The following DUSP13B variants were observed in gnomAD, a reference collection of about 807,000 sequenced individuals.
DUSP13B encodes the protein dual specificity phosphatase 13B.
the DUSP13B span, chr10:75,094,995 T>G: frequency 4.3e-6 from 4 of 930,504 alleles, no homozygotes; most frequent in East Asian, 1.1e-4. Flanking sequence ...CACTGTCTAC[T>G]CTGTCAAATG....
At chr10:75,108,971 G>A in the DUSP13B span, 14 of 1,559,150 alleles carry the variant, frequency 9.0e-6, no homozygotes, top group Admixed American at 3.7e-5. Context: ...GCCTCTCCAC[G>A]TCCCCACCCC....
chr10:75,097,904 C>A, the DUSP13B span: 38 of 1,547,978 alleles, frequency 2.5e-5, no homozygotes, highest in Admixed American at 3.7e-4. Flanking sequence ...GAGTGGACAC[C>A]GCAGTGGCTG....
chr10:75,101,837 AC>A, the DUSP13B span: 633 of 1,330,984 alleles, frequency 4.8e-4, 3 homozygotes, highest in African/African-American at 5.4e-3. Flanking sequence ...ACCACATCCT[AC>A]CCCCCCCAAA....
chr10:75,098,985 TG>T, the DUSP13B span: 1 of 1,232,258 alleles, frequency 8.1e-7, no homozygotes, highest in Non-Finnish European at 1.0e-6. Context: ...AGCCTGGTAC[TG>T]CTGAGCCACA....
the DUSP13B span, chr10:75,099,179 G>A: frequency 5.7e-6 from 7 of 1,228,004 alleles, no homozygotes; most frequent in Non-Finnish European, 7.1e-6. Flanking sequence ...GTTGGAGAGG[G>A]GGTCCTGTCT....
chr10:75,108,772 G>A, the DUSP13B span, among the ~76,000 whole-genome samples: 1 of 152,094 alleles, frequency 6.6e-6, no homozygotes, highest in Non-Finnish European at 1.5e-5. Context: ...AATGTTTCCT[G>A]GAACTCCTGG....
At chr10:75,106,248 C>T in the DUSP13B span, among the ~76,000 whole-genome samples, 8 of 151,910 alleles carry the variant, frequency 5.3e-5, no homozygotes, top group Non-Finnish European at 8.8e-5. Flanking sequence ...GGCCTCCAAA[C>T]CTTTTTAACA....
chr10:75,104,222 G>A, the DUSP13B span: 1 of 532,560 alleles, frequency 1.9e-6, no homozygotes, highest in Non-Finnish European at 3.0e-6. Flanking sequence ...TGTGCATAAG[G>A]TCAAGTGAGT....
At chr10:75,094,545 A>AT in the DUSP13B span, 1 of 1,006,492 alleles carries the variant, frequency 9.9e-7, no homozygotes, top group Non-Finnish European at 1.4e-6. Context: ...CCACCCAGCT[A>AT]TCCCTGCCTC....
the DUSP13B span, chr10:75,109,072 C>G: frequency 6.2e-7 from 1 of 1,612,348 alleles, no homozygotes. Context: ...CTTCCCTGCC[C>G]GCAGGAGCTC....
chr10:75,100,846 C>G, the DUSP13B span, among the ~76,000 whole-genome samples: 5 of 152,252 alleles, frequency 3.3e-5, no homozygotes, highest in Non-Finnish European at 7.3e-5. Context: ...CCCCAGGAAG[C>G]TCATGTGCCT....
At chr10:75,108,202 C>T in the DUSP13B span, 12 of 1,602,350 alleles carry the variant, frequency 7.5e-6, no homozygotes, top group Non-Finnish European at 1.0e-5. Context: ...CGGTTGTTTG[C>T]CGTGGCCCTG....
chr10:75,100,015 G>A, the DUSP13B span, among the ~76,000 whole-genome samples: 1 of 152,158 alleles, frequency 6.6e-6, no homozygotes, highest in African/African-American at 2.4e-5. Flanking sequence ...CTGGTCTGGA[G>A]CCATCAGGTG....
chr10:75,101,807 A>C, the DUSP13B span: 1 of 1,123,836 alleles, frequency 8.9e-7, no homozygotes, highest in Non-Finnish European at 1.2e-6. Flanking sequence ...CCTGGCCCTC[A>C]TTACCCAGCA....
the DUSP13B span, chr10:75,097,715 T>C: frequency 6.4e-7 from 1 of 1,570,584 alleles, no homozygotes; most frequent in Non-Finnish European, 8.7e-7. Flanking sequence ...TACTCACGCA[T>C]CTCCCAGGAA....
At chr10:75,105,623 C>T in the DUSP13B span, 126 of 1,529,848 alleles carry the variant, frequency 8.2e-5, no homozygotes, top group East Asian at 1.5e-4. Context: ...TGGCCTCTTC[C>T]GGCCAACCAC....
chr10:75,094,505 G>A, the DUSP13B span: 1 of 640,330 alleles, frequency 1.6e-6, no homozygotes. Context: ...CTCTGAATTG[G>A]GTCAGGGAAA....
the DUSP13B span, among the ~76,000 whole-genome samples, chr10:75,095,238 G>A: frequency 5.3e-5 from 8 of 152,210 alleles, no homozygotes; most frequent in South Asian, 2.1e-4. Flanking sequence ...CTGCCCTCTC[G>A]ACTGCCCCTG....
the DUSP13B span, chr10:75,099,624 C>G: frequency 1.9e-6 from 2 of 1,075,698 alleles, no homozygotes; most frequent in Non-Finnish European, 2.4e-6. Flanking sequence ...AGTGGGCCCT[C>G]CGGTCCCTCT....
Sources: allele counts gnomAD v4.1 joint callset (sites outside exome capture counted in the v4.1 genomes callset), GRCh38; gene constraint gnomAD v4.1.1; transcripts MANE v1.5; gene names NCBI Gene and HGNC (gene_info 2026-07-23, HGNC 2026-07-21).